PKNOX2: variants seen among roughly 807,000 people sequenced by gnomAD.
PKNOX2 encodes PBX/knotted 1 homeobox 2.
PKNOX2 carries 14 observed loss-of-function variants against 53.1 expected under a neutral mutation model. The ratio of observed to expected loss-of-function variants is 0.26; its 90% CI spans 0.17 to 0.41. PKNOX2 has a LOEUF of 0.41. Among genes scored for constraint, PKNOX2 ranks in the 10% least tolerant of loss-of-function variants. PKNOX2 has a pLI of 1.00. For synonymous variants in PKNOX2, 257 were observed against 242.8 expected (o/e 1.06, Z -0.54); for missense variants, 496 against 602.8 (o/e 0.82, Z 1.85).
chr11:125,421,702 C>T (rs929910774), intron 10 of PKNOX2, among the ~76,000 whole-genome samples: 2 of 152,224 alleles, frequency 1.3e-5, no homozygotes, highest in South Asian at 2.1e-4. Context: ...ATGCACTGAA[C>T]GATGGTGGCC....
At chr11:125,372,044 C>T (rs1278277332) in intron 5 of PKNOX2, among the ~76,000 whole-genome samples, 1 of 152,198 alleles carries the variant, frequency 6.6e-6, no homozygotes, top group Non-Finnish European at 1.5e-5. Flanking sequence ...TTATCCCCAG[C>T]ACCTTACATG....
At chr11:125,378,858 C>T (rs932329308) in intron 5 of PKNOX2, among the ~76,000 whole-genome samples, 8 of 152,198 alleles carry the variant, frequency 5.3e-5, no homozygotes, top group African/African-American at 1.9e-4. Flanking sequence ...CACTCTCTGG[C>T]TCCCTTGTGT....
chr11:125,416,197 G>A (rs1458542013), intron 10 of PKNOX2, among the ~76,000 whole-genome samples: 1 of 150,434 alleles, frequency 6.6e-6, no homozygotes, highest in African/African-American at 2.5e-5. Context: ...CAGCTACTTG[G>A]GAGGCTGAGG....
In PKNOX2 at chr11:125,264,029, C is replaced by T. The variant is rs1945103331; in HGVS notation, c.-130+28914C>T. ...TGGGGGGCTAATCAGTCCTCCCCCA[C>T]ATTTAGAGGGTGGGAGAGGATCACC... On this transcript the variant is annotated intron_variant, in intron 2 of 12. Transcript: ENST00000298282. Among the ~76,000 whole-genome samples the T allele has an allele frequency of 3.9e-5, 6 of 152,290 alleles. No homozygotes were observed. The South Asian group carries it at 1.0e-3, about 26-fold the overall frequency.
intron 1 of PKNOX2, among the ~76,000 whole-genome samples, chr11:125,186,262 G>A (rs1316613086): frequency 6.6e-6 from 1 of 152,170 alleles, no homozygotes; most frequent in Admixed American, 6.5e-5. Context: ...TTGTTGAATT[G>A]TAGGACTTCG....
intron 2 of PKNOX2, among the ~76,000 whole-genome samples, chr11:125,279,047 C>T (rs1293043454): frequency 6.6e-6 from 1 of 152,230 alleles, no homozygotes; most frequent in Non-Finnish European, 1.5e-5. Context: ...TTGCCCCCAA[C>T]AGGGGCATGT....
chr11:125,401,031 C>T (rs932216675), intron 7 of PKNOX2, among the ~76,000 whole-genome samples: 16 of 145,994 alleles, frequency 1.1e-4, no homozygotes, highest in Admixed American at 2.8e-4. Context: ...GAAAGATGGC[C>T]GGGAAGTATT....
chr11:125,336,855 ATAT>A (rs1485895827), intron 3 of PKNOX2, among the ~76,000 whole-genome samples: 1 of 147,604 alleles, frequency 6.8e-6, no homozygotes, highest in Non-Finnish European at 1.5e-5. Context: ...ATAATATGTA[ATAT>A]TATATGTTAG....
chr11:125,356,996 C>A (rs774045079), intron 4 of PKNOX2, among the ~76,000 whole-genome samples: 1 of 152,274 alleles, frequency 6.6e-6, no homozygotes, highest in African/African-American at 2.4e-5. Flanking sequence ...CTGTGAAACA[C>A]ATTTGCTTTG....
intron 6 of PKNOX2, among the ~76,000 whole-genome samples, chr11:125,387,499 G>A (rs1049904035): frequency 2.6e-5 from 4 of 152,044 alleles, no homozygotes; most frequent in Non-Finnish European, 4.4e-5. Flanking sequence ...CCTGGAAAAC[G>A]CCCAGGTGGC....
At chr11:125,356,331 G>A (rs1361942787) in intron 4 of PKNOX2, among the ~76,000 whole-genome samples, 1 of 152,184 alleles carries the variant, frequency 6.6e-6, no homozygotes, top group African/African-American at 2.4e-5. Flanking sequence ...GGCTTACGTA[G>A]CATGACTTGA....
chr11:125,425,094 G>T (rs1241182521), intron 10 of PKNOX2, among the ~76,000 whole-genome samples: 1 of 152,252 alleles, frequency 6.6e-6, no homozygotes, highest in East Asian at 1.9e-4. Flanking sequence ...TCAGTGCATC[G>T]CACAGAGTGA....
intron 1 of PKNOX2, among the ~76,000 whole-genome samples, chr11:125,223,532 CT>C (rs1378799562): frequency 1.3e-5 from 2 of 152,190 alleles, no homozygotes; most frequent in Non-Finnish European, 1.5e-5. Context: ...GCCCAGCCCT[CT>C]TTTAATACTT....
chr11:125,412,096 G>A (rs1955592281), intron 10 of PKNOX2, among the ~76,000 whole-genome samples: 1 of 152,206 alleles, frequency 6.6e-6, no homozygotes, highest in African/African-American at 2.4e-5. Context: ...GAAAAAATGT[G>A]GCAACACATG....
At chr11:125,300,299 C>T (rs188846474) in intron 2 of PKNOX2, among the ~76,000 whole-genome samples, 1 of 152,232 alleles carries the variant, frequency 6.6e-6, no homozygotes, top group Non-Finnish European at 1.5e-5. Context: ...CTAATAATAG[C>T]AATAGCAGCT....
At chr11:125,294,534 G>T (rs905056978) in intron 2 of PKNOX2, among the ~76,000 whole-genome samples, 1 of 152,228 alleles carries the variant, frequency 6.6e-6, no homozygotes, top group Non-Finnish European at 1.5e-5. Context: ...GACAGGGTTG[G>T]GTGGAGAGGC....
At chr11:125,263,001 G>A (rs1565482676) in intron 2 of PKNOX2, among the ~76,000 whole-genome samples, 2 of 152,170 alleles carry the variant, frequency 1.3e-5, no homozygotes, top group African/African-American at 4.8e-5. Context: ...TCTGCACGGG[G>A]CAGTCTCTGT....
intron 3 of PKNOX2, among the ~76,000 whole-genome samples, chr11:125,334,586 C>T (rs1157162985): frequency 3.9e-5 from 5 of 128,704 alleles, no homozygotes; most frequent in Non-Finnish European, 6.1e-5. Flanking sequence ...CTTAAGTTTT[C>T]GTTTTTTTTT....
At chr11:125,276,672 G>T (rs546101216) in intron 2 of PKNOX2, among the ~76,000 whole-genome samples, 1 of 152,288 alleles carries the variant, frequency 6.6e-6, no homozygotes, top group African/African-American at 2.4e-5. Flanking sequence ...GAGTGGGGTG[G>T]GGAGGGAGTG....
Sources: gnomAD v4.1 joint callset for allele counts (sites outside exome capture counted in the v4.1 genomes callset) on GRCh38, gnomAD v4.1.1 for gene constraint, MANE v1.5 for transcripts, NCBI Gene and HGNC (gene_info 2026-07-23, HGNC 2026-07-21) for gene names.